RBX1: variants seen among roughly 807,000 people sequenced by gnomAD.
The protein encoded by RBX1 is ring-box 1, also known as E3 ubiquitin-protein ligase RBX1.
For synonymous variants in RBX1, 48 were observed against 47.9 expected (o/e 1.00, Z -0.01); for missense variants, 46 against 141.4 (o/e 0.33, Z 3.42).
chr22:40,958,118 A>C (rs2058330528), intron 2 of RBX1, among the ~76,000 whole-genome samples: 1 of 151,794 alleles, frequency 6.6e-6, no homozygotes, highest in South Asian at 2.1e-4. Flanking sequence ...CACCGCATCT[A>C]GCTGCTAATT....
chr22:40,960,216 TAGAA>T (rs2058336217), intron 2 of RBX1, among the ~76,000 whole-genome samples: 1 of 152,122 alleles, frequency 6.6e-6, no homozygotes, highest in African/African-American at 2.4e-5. Context: ...GCACTTGGCA[TAGAA>T]AGACCAGGTC....
At chr22:40,970,317 C>T (rs1351032126) in intron 4 of RBX1, among the ~76,000 whole-genome samples, 1 of 146,126 alleles carries the variant, frequency 6.8e-6, no homozygotes, top group East Asian at 2.0e-4. Flanking sequence ...GATCACGCCA[C>T]ATCAGCCGGG....
chr22:40,969,749 G>A (rs967781868), intron 4 of RBX1, among the ~76,000 whole-genome samples: 8 of 151,940 alleles, frequency 5.3e-5, no homozygotes, highest in Middle Eastern at 3.4e-3. Flanking sequence ...TTAGCTGGGC[G>A]GTAGTGGTGC....
chr22:40,961,693 C>T (rs888258717), intron 2 of RBX1, among the ~76,000 whole-genome samples: 8 of 151,990 alleles, frequency 5.3e-5, no homozygotes, highest in East Asian at 1.9e-4. Flanking sequence ...CGTGAGCCAC[C>T]GGGCCTGGCC....
chr22:40,962,301 C>T (rs1416877995), intron 2 of RBX1, among the ~76,000 whole-genome samples: 3 of 151,912 alleles, frequency 2.0e-5, no homozygotes, highest in Non-Finnish European at 4.4e-5. Flanking sequence ...TGGGTTTTGC[C>T]GTGTTGGTCA....
At position 40,951,525 on chromosome 22, in the gene RBX1, C is replaced by A. The variant is rs73885712; in HGVS notation, c.78+49C>A. The stretch of plus-strand genomic sequence containing the variant: ...TCAGGGAAGCTAGAGAGGCGCGGAT[C>A]TGGCTGGCAGGCCCGAGGATGGTCG... On this transcript the variant is annotated intron_variant, in intron 1 of 4. Coordinates refer to ENST00000216225, the MANE Select transcript of RBX1 (RefSeq NM_014248.4). 1.2e-3 allele frequency: 1,869 copies of A among 1,577,562 alleles called. 23 individuals carry two copies. In the African/African-American group the frequency reaches 0.023, roughly 20 times the overall value.
rs374794558 is a variant in RBX1, at chr22:40,954,035, GC to G, written c.157+404del. 2.6e-4 allele frequency among the ~76,000 whole-genome samples: 40 copies of G among 152,270 alleles called. No individual in the cohort carries two copies. In the East Asian group the frequency reaches 7.5e-3, roughly 29 times the overall value. On this transcript the variant is annotated intron_variant, in intron 2 of 4. Coordinates refer to ENST00000216225, the MANE Select transcript of RBX1 (RefSeq NM_014248.4). ...GCTTGTAATCCCAGCACTTTGGGAG[GC>G]CAAGGCGGGCAGATCATTTGAGGCC...
At chr22:40,953,164 T>C (rs1353020945) in intron 1 of RBX1, among the ~76,000 whole-genome samples, 1 of 152,034 alleles carries the variant, frequency 6.6e-6, no homozygotes, top group Non-Finnish European at 1.5e-5. Context: ...CTAATTTTTG[T>C]ATTTTTAGTA....
chr22:40,952,670 A>G (rs1451680867), intron 1 of RBX1, among the ~76,000 whole-genome samples: 1 of 151,130 alleles, frequency 6.6e-6, no homozygotes, highest in East Asian at 1.9e-4. Context: ...AGAAGAGTCT[A>G]AACATATAAA....
intron 3 of RBX1, chr22:40,966,812 C>T (rs1159174086): frequency 6.6e-6 from 1 of 152,140 alleles, no homozygotes. Flanking sequence ...AATTTCTGCC[C>T]GTGCCCCACC....
At chr22:40,954,924 T>A (rs1328455657) in intron 2 of RBX1, among the ~76,000 whole-genome samples, 1 of 152,066 alleles carries the variant, frequency 6.6e-6, no homozygotes, top group Non-Finnish European at 1.5e-5. Flanking sequence ...ATAGCTGGGA[T>A]TACAGGCACC....
intron 4 of RBX1, among the ~76,000 whole-genome samples, chr22:40,968,178 C>T (rs1438259585): frequency 6.6e-6 from 1 of 150,524 alleles, no homozygotes; most frequent in Non-Finnish European, 1.5e-5. Flanking sequence ...GCAACGTCCA[C>T]CTCCCAGATT....
Position 40,951,383 on chromosome 22 carries a change from A to ACCG in RBX1, c.-15_-13dup. The ACCG allele has an allele frequency of 6.2e-7, 1 of 1,611,982 alleles. No individual in the cohort carries two copies. The highest frequency in any genetic ancestry group is 1.3e-5 in the African/African-American group (1 of 74,980). Reference sequence around the variant, plus strand: ...CGCAGGCGCGGTGGTCGGACGACAGACCGTGTGTTTCCAAAATGGCGGCAG... The same window carrying ACCG: ...CGCAGGCGCGGTGGTCGGACGACAGACCGCCGTGTGTTTCCAAAATGGCGGCAG... On this transcript the variant is annotated 5_prime_UTR_variant, in exon 1 of 5. Transcript: ENST00000216225.
chr22:40,952,793 G>T (rs1201155600), intron 1 of RBX1, among the ~76,000 whole-genome samples: 2 of 152,094 alleles, frequency 1.3e-5, no homozygotes, highest in African/African-American at 4.8e-5. Flanking sequence ...GTACTGACAC[G>T]GGTATTTAAT....
At chr22:40,955,514 TAA>T (rs71695312) in intron 2 of RBX1, among the ~76,000 whole-genome samples, 3 of 150,006 alleles carry the variant, frequency 2.0e-5, no homozygotes, top group African/African-American at 7.3e-5. Flanking sequence ...GTAATTGATG[TAA>T]AAAAAAAATG....
At chr22:40,963,999 C>T (rs573042380) in intron 2 of RBX1, 48 bp from the exon 3 acceptor site, 18 of 1,432,930 alleles carry the variant, frequency 1.3e-5, no homozygotes, top group South Asian at 1.0e-4. Context: ...TAGATTGAAA[C>T]GTTGCTGCTC....
At position 40,972,632 on chromosome 22, in the gene RBX1, C is replaced by T; in HGVS notation, c.*144C>T. The T allele has an allele frequency of 3.0e-6, 2 of 662,134 alleles. No individual in the cohort carries two copies. The highest frequency in any genetic ancestry group is 1.8e-5 in the South Asian group (1 of 54,874). The allele number at this position is 662,134 out of a possible 1,614,324, so 41.0% of individuals were successfully genotyped here. A position where few individuals can be genotyped will look rare whatever the true frequency, so the allele number is the denominator to read the frequency against. ...GCTGTTTCTGTAGCCATATTGTATT[C>T]TGTGTCAAATAAAGTCCAGTTGGAT... On this transcript the variant is annotated 3_prime_UTR_variant, in exon 5 of 5. Transcript: ENST00000216225.
At chr22:40,965,513 T>C (rs909769509) in intron 3 of RBX1, among the ~76,000 whole-genome samples, 5 of 151,880 alleles carry the variant, frequency 3.3e-5, no homozygotes, top group East Asian at 1.9e-4. Flanking sequence ...CAGTCCCGGC[T>C]TACTGCAACC....
chr22:40,972,523 TTA>T lies in RBX1; in HGVS notation c.*37_*38del. On this transcript the variant is annotated 3_prime_UTR_variant, in exon 5 of 5. Transcript: ENST00000216225. ...TCTTCCATCAAGCTTAATTGTTTTG[TTA>T]TTCATTTAATGACTTTCCCTGCTGT... The T allele has an allele frequency of 6.4e-7, 1 of 1,566,146 alleles. No individual in the cohort carries two copies. Among genetic ancestry groups the T allele is most frequent in the Non-Finnish European group, 8.8e-7 (1 of 1,136,722 alleles).
Sources: gnomAD v4.1 joint callset for allele counts (sites outside exome capture counted in the v4.1 genomes callset) on GRCh38, gnomAD v4.1.1 for gene constraint, MANE v1.5 for transcripts, NCBI Gene and HGNC (gene_info 2026-07-23, HGNC 2026-07-21) for gene names.